The following SMC3 variants were observed in gnomAD, a reference collection of about 807,000 sequenced individuals.
The protein encoded by SMC3 is structural maintenance of chromosomes protein 3.
A neutral mutation model predicts 171.8 loss-of-function variants in SMC3; 20 were observed. The observed-to-expected ratio is 0.12, with a 90% CI of 0.08 to 0.17. SMC3 has a LOEUF of 0.17. SMC3 is among the 10% of genes least tolerant of loss of function. The pLI is 1.00. For missense variants in SMC3, 543 were observed against 1,420.4 expected (o/e 0.38, Z 9.93); for synonymous variants, 464 against 451.1 (o/e 1.03, Z -0.36).
intron 4 of SMC3, 128 bp downstream of exon 4, chr10:110,575,531 A>C: frequency 2.6e-6 from 2 of 756,292 alleles, no homozygotes; most frequent in Non-Finnish European, 4.4e-6. Context: ...CTTTCTCATA[A>C]GTGTGTTACT....
rs1329120966 is a variant in SMC3, at chr10:110,601,786, C to T, written c.2794C>T (p.Leu932=). ...AAAGATGACAAATCGGCAAGGCATG[C>T]TATTGAAGAAGAAAGAAGAGTGTAT... ...LEKMTNRQGM[L]LKKKEECMKK... is the part of the protein sequence containing the mutation. Residue 932 remains leucine, a synonymous_variant, in exon 24 of 29, where the codon CTA becomes TTA. Coordinates refer to ENST00000361804, the MANE Select transcript of SMC3 (RefSeq NM_005445.4). 1 of 1,613,780 alleles carries T rather than the reference C, an allele frequency of 6.2e-7. No individual in the cohort carries two copies. Among genetic ancestry groups the T allele is most frequent in the Non-Finnish European group, 8.5e-7 (1 of 1,179,880 alleles).
rs1045495384 is a variant in SMC3, at chr10:110,602,282, A to C, written c.3105+104A>C. The C allele has an allele frequency of 1.2e-5, 13 of 1,105,022 alleles. No individual in the cohort carries two copies. The African/African-American group carries it at 1.7e-4, about 15-fold the overall frequency. 68.5% of individuals were successfully genotyped at this position (1,105,022 alleles called of 1,614,324 possible). A position where few individuals can be genotyped will look rare whatever the true frequency, so the allele number is the denominator to read the frequency against. ...AGCTGTTTTCCTCATTACCAGGTGA[A>C]TCTAATACATGTGAACAAACCTAGC... On this transcript the variant is annotated intron_variant, in intron 25 of 28. Coordinates refer to ENST00000361804, the MANE Select transcript of SMC3 (RefSeq NM_005445.4).
chr10:110,589,672 TA>T lies in SMC3; in HGVS notation c.1379del (p.Asn460IlefsTer47). On this transcript the variant is annotated frameshift_variant, in exon 14 of 29. Coordinates refer to ENST00000361804, the MANE Select transcript of SMC3 (RefSeq NM_005445.4). LOFTEE classifies it high-confidence loss of function. ...GAACTGGACAGAAAATATTACGAAG[TA>T]AAAAATAAGAAAGATGAACTACAAA... ...VEELDRKYYEVKNKKDELQSE... is the reference protein window; with the variant it reads ...VEELDRKYYEXKNKKDELQSE... The T allele has an allele frequency of 6.2e-7, 1 of 1,609,546 alleles. No individual in the cohort carries two copies. Among genetic ancestry groups the T allele is most frequent in the Non-Finnish European group, 8.5e-7 (1 of 1,176,424 alleles).
chr10:110,601,376 G>C (rs74881943), intron 23 of SMC3, among the ~76,000 whole-genome samples: 1 of 152,042 alleles, frequency 6.6e-6, no homozygotes, highest in East Asian at 1.9e-4. Flanking sequence ...AATACCTGAC[G>C]AAAGTTTCTC....
At chr10:110,584,066 C>CT in intron 12 of SMC3, 104 bp downstream of exon 12, 1 of 1,511,568 alleles carries the variant, frequency 6.6e-7, no homozygotes, top group East Asian at 2.3e-5. Flanking sequence ...ACACTTAATT[C>CT]TTTTTGTATC....
chr10:110,577,497 G>GT lies in SMC3; in HGVS notation c.270+6dup, dbSNP rs1860969597. ...AATTCAGACAACCGGTTACCAGTAA[G>GT]TAACTTTTTTTTTAAAGTAATGTTG... On this transcript the variant is annotated splice_donor_region_variant and intron_variant, in intron 5 of 28. Coordinates refer to ENST00000361804, the MANE Select transcript of SMC3 (RefSeq NM_005445.4). 6.3e-7 allele frequency: 1 copy of GT among 1,599,654 alleles called. No individual in the cohort carries two copies.
chr10:110,605,353 C>T lies in SMC3; in HGVS notation c.*1051C>T, dbSNP rs1278542930. ...TTTGTAGATTCTTTGAGATTTTCTA[C>T]ATAGACAGTCATGTCATTTGCAAGA... On this transcript the variant is annotated 3_prime_UTR_variant, in exon 29 of 29. Transcript: ENST00000361804. Among the ~76,000 whole-genome samples, 1 of 152,140 alleles carries T rather than the reference C, an allele frequency of 6.6e-6. No homozygotes were observed.
Position 110,583,582 on chromosome 10 carries a change from T to C in SMC3, c.969+34T>C, listed in dbSNP as rs377398750. ...AAATGCTAAAAATGAAAGATGTGAA[T>C]GTTCAGGTGAGTAGCAACTGTAGAA... On this transcript the variant is annotated intron_variant, in intron 11 of 28. Coordinates refer to ENST00000361804, the MANE Select transcript of SMC3 (RefSeq NM_005445.4). 65 of 1,605,022 alleles carry C rather than the reference T, an allele frequency of 4.0e-5. No homozygotes were observed. In the African/African-American group the frequency reaches 8.1e-4, roughly 20 times the overall value.
Position 110,601,871 on chromosome 10 carries a change from T to A in SMC3, c.2879T>A (p.Leu960Gln). 6.2e-7 allele frequency: 1 copy of A among 1,613,980 alleles called. No homozygotes were observed. Among genetic ancestry groups the A allele is most frequent in the Non-Finnish European group, 8.5e-7 (1 of 1,179,930 alleles). Residue 960 changes from leucine to glutamine, a missense_variant, in exon 24 of 29, where the codon CTG becomes CAG. Physicochemically the swap from Leu to Gln is moderately radical, Grantham distance 113. This residue lies in a region of SMC3 where 81 missense variants were observed against 184.2 expected (regional missense o/e 0.44). Coordinates refer to ENST00000361804, the MANE Select transcript of SMC3 (RefSeq NM_005445.4). ...GAAGCATTTGAAAAGTACCAGACAC[T>A]GAGCCTCAAACAGGTTGGTTTTAAA... ...PQEAFEKYQT[L>Q]SLKQLFRKLE...
At chr10:110,603,499 TAAAC>T (rs1179691614) in intron 28 of SMC3, among the ~76,000 whole-genome samples, 13 of 152,378 alleles carry the variant, frequency 8.5e-5, no homozygotes, top group African/African-American at 3.1e-4. Context: ...TTGGCATTAA[TAAAC>T]AATATCTTTC....
intron 19 of SMC3, among the ~76,000 whole-genome samples, chr10:110,596,972 A>G (rs1003201189): frequency 6.6e-6 from 1 of 151,982 alleles, no homozygotes; most frequent in Non-Finnish European, 1.5e-5. Context: ...TTAGAAGTCA[A>G]ATATATAAGG....
intron 4 of SMC3, among the ~76,000 whole-genome samples, chr10:110,576,208 TAAA>T (rs1228639651): frequency 6.6e-6 from 1 of 152,180 alleles, no homozygotes; most frequent in Non-Finnish European, 1.5e-5. Context: ...ATGCTGAAAG[TAAA>T]AAACAGTGAT....
chr10:110,594,416 A>G (rs1347485627), intron 18 of SMC3, among the ~76,000 whole-genome samples: 1 of 152,112 alleles, frequency 6.6e-6, no homozygotes, highest in Non-Finnish European at 1.5e-5. Flanking sequence ...CATGTAAACA[A>G]TATTTTGACA....
At chr10:110,586,175 T>G (rs113361489) in intron 13 of SMC3, among the ~76,000 whole-genome samples, 9,027 of 152,260 alleles carry the variant, frequency 0.059, 354 homozygotes, top group African/African-American at 0.11. Context: ...CAGTGAAGTT[T>G]TAAAGAAAGA....
chr10:110,587,107 T>G (rs1387330807), intron 13 of SMC3, among the ~76,000 whole-genome samples: 1 of 152,268 alleles, frequency 6.6e-6, no homozygotes, highest in Non-Finnish European at 1.5e-5. Flanking sequence ...TACATACTTA[T>G]CAAACTTAAG....
chr10:110,578,518 A>C, intron 6 of SMC3, 110 bp from the exon 7 acceptor site: 1 of 753,278 alleles, frequency 1.3e-6, no homozygotes, highest in South Asian at 1.5e-5. Flanking sequence ...CAGATGGTTT[A>C]ATTACTGATC....
Position 110,590,464 on chromosome 10 carries a change from G to A in SMC3, c.1562G>A (p.Arg521Gln), listed in dbSNP as rs1861188898. The change falls in exon 16 of 29, where the codon CGA (arginine) becomes CAA (glutamine). Residue 521 changes from arginine to glutamine, a missense_variant. Around this residue, in one of 8 missense-constraint regions of SMC3, gnomAD observed 218 missense variants for 509.6 expected, o/e 0.43. Coordinates refer to ENST00000361804, the MANE Select transcript of SMC3 (RefSeq NM_005445.4). ...SINKVLDHFRRKGINQHVQNG... is the reference protein window; with the variant it reads ...SINKVLDHFRQKGINQHVQNG... Reference sequence around the variant, plus strand: ...AACAAAGTGCTAGACCACTTCCGTCGAAAAGGAATAAACCAGCATGTTCAA... The same window carrying A: ...AACAAAGTGCTAGACCACTTCCGTCAAAAAGGAATAAACCAGCATGTTCAA... 3.1e-6 allele frequency: 5 copies of A among 1,613,874 alleles called. No individual in the cohort carries two copies. Among genetic ancestry groups the A allele is most frequent in the South Asian group, 1.1e-5 (1 of 91,078 alleles).
chr10:110,572,190 C>T (rs1314815813), intron 2 of SMC3, among the ~76,000 whole-genome samples: 1 of 152,104 alleles, frequency 6.6e-6, no homozygotes, highest in Non-Finnish European at 1.5e-5. Context: ...CACCTTTTTC[C>T]TTAAAGTTAT....
At position 110,599,749 on chromosome 10, in the gene SMC3, A is replaced by G. The variant is rs1466940124; in HGVS notation, c.2364A>G (p.Gln788=). Residue 788 remains glutamine, a synonymous_variant, in exon 21 of 29, where the codon CAA becomes CAG. Coordinates refer to ENST00000361804, the MANE Select transcript of SMC3 (RefSeq NM_005445.4). The stretch of plus-strand genomic sequence containing the variant: ...AACTGGGAACTGATTTGCTTTCTCA[A>G]CTGAGTTTGGAAGATCAGAAGAGAG... ...KAELGTDLLS[Q]LSLEDQKRVD... 6.2e-7 allele frequency: 1 copy of G among 1,614,100 alleles called. No individual in the cohort carries two copies. The highest frequency in any genetic ancestry group is 8.5e-7 in the Non-Finnish European group (1 of 1,179,974).
Sources: gnomAD v4.1 joint callset for allele counts (sites outside exome capture counted in the v4.1 genomes callset) on GRCh38, gnomAD v4.1.1 for gene constraint, gnomAD v4.1.1 regional missense constraint, MANE v1.5 for transcripts, NCBI Gene and HGNC (gene_info 2026-07-23, HGNC 2026-07-21) for gene names.